RBM6: variants seen among roughly 807,000 people sequenced by gnomAD.
RBM6 encodes the protein RNA binding motif protein 6.
RBM6 carries 23 observed loss-of-function variants against 140.4 expected under a neutral mutation model. The observed-to-expected ratio is 0.16, with a 90% CI of 0.12 to 0.23. RBM6 has a LOEUF of 0.23. Among genes scored for constraint, RBM6 ranks in the 10% least tolerant of loss-of-function variants. The pLI, the probability that RBM6 is intolerant of heterozygous loss-of-function variation, is 1.00. For synonymous variants in RBM6, 439 were observed against 475.6 expected (o/e 0.92, Z 1.00); for missense variants, 1,139 against 1,386.7 (o/e 0.82, Z 2.84).
At chr3:50,056,887 G>A (rs940828478) in intron 8 of RBM6, among the ~76,000 whole-genome samples, 1 of 152,198 alleles carries the variant, frequency 6.6e-6, no homozygotes, top group African/African-American at 2.4e-5. Context: ...ATATAAAGGA[G>A]CTACGTGCAG....
chr3:50,026,807 G>A (rs1476166034), intron 6 of RBM6, among the ~76,000 whole-genome samples: 1 of 150,768 alleles, frequency 6.6e-6, no homozygotes, highest in Admixed American at 6.6e-5. Context: ...CAGCTATTGG[G>A]GAAGCCGAGG....
chr3:50,077,167 C>G lies in RBM6; in HGVS notation c.*34C>G. The stretch of plus-strand genomic sequence containing the variant: ...ACAAGTTCCATGGGATACAACCTCC[C>G]TCTTGTTTTGTTTGTCTCTCCTTTT... On this transcript the variant is annotated 3_prime_UTR_variant, in exon 21 of 21. Transcript: ENST00000266022. The G allele has an allele frequency of 1.3e-6, 2 of 1,574,604 alleles. No homozygotes were observed. Among genetic ancestry groups the G allele is most frequent in the Non-Finnish European group, 1.7e-6 (2 of 1,162,968 alleles).
Position 50,015,578 on chromosome 3 carries a change from G to A in RBM6, c.1557+16065G>A, listed in dbSNP as rs544114176. 2.9e-3 allele frequency among the ~76,000 whole-genome samples: 441 copies of A among 149,838 alleles called. 3 individuals carry two copies. Among genetic ancestry groups the A allele is most frequent in the African/African-American group, 0.01 (421 of 40,698 alleles). On this transcript the variant is annotated intron_variant, in intron 6 of 20. Coordinates refer to ENST00000266022, the MANE Select transcript of RBM6 (RefSeq NM_005777.3). ...CCTGAGTAGCTGGGACTACAGGCGC[G>A]TGCCACCACGCCCGGCTAATTTTTT...
intron 18 of RBM6, among the ~76,000 whole-genome samples, chr3:50,070,200 G>T (rs2090255718): frequency 6.6e-6 from 1 of 151,990 alleles, no homozygotes; most frequent in African/African-American, 2.4e-5. Context: ...ACTAAAAATA[G>T]AAAAATTAGC....
chr3:50,036,626 A>G (rs1391491551), intron 6 of RBM6, among the ~76,000 whole-genome samples: 3 of 152,186 alleles, frequency 2.0e-5, no homozygotes, highest in South Asian at 4.1e-4. Context: ...TAACCATAGC[A>G]TGTCTTCAAT....
intron 2 of RBM6, among the ~76,000 whole-genome samples, chr3:49,963,742 T>C (rs537928920): frequency 6.6e-6 from 1 of 152,310 alleles, no homozygotes; most frequent in African/African-American, 2.4e-5. Flanking sequence ...TAACTAGTAT[T>C]TAAACATTTT....
intron 1 of RBM6, among the ~76,000 whole-genome samples, chr3:49,951,984 G>A (rs2083756562): frequency 1.3e-5 from 2 of 151,944 alleles, no homozygotes; most frequent in Admixed American, 1.3e-4. Flanking sequence ...GCCTCCCAAA[G>A]TGCTGGGATT....
intron 6 of RBM6, among the ~76,000 whole-genome samples, chr3:50,042,095 G>A (rs2088952324): frequency 6.6e-6 from 1 of 152,140 alleles, no homozygotes; most frequent in Non-Finnish European, 1.5e-5. Flanking sequence ...TTTGTAAACT[G>A]TAAATTGCTT....
At chr3:49,990,483 G>C (rs2085769117) in intron 5 of RBM6, among the ~76,000 whole-genome samples, 1 of 152,202 alleles carries the variant, frequency 6.6e-6, no homozygotes, top group Admixed American at 6.5e-5. Context: ...GCAGTTTGCT[G>C]TTGATCAAAA....
At position 50,047,353 on chromosome 3, in the gene RBM6, G is replaced by A. The variant is rs566624485; in HGVS notation, c.1558-892G>A. On this transcript the variant is annotated intron_variant, in intron 6 of 20. Transcript: ENST00000266022. ...TTAGTTCACTTTCAAGTGTGGGTGA[G>A]GGTCCCTTGTCAGTAGGCAGAGAAT... 2,062 of 985,080 alleles carry A rather than the reference G, an allele frequency of 2.1e-3. 3 individuals are homozygous for A. The highest frequency in any genetic ancestry group is 2.3e-3 in the Non-Finnish European group (1,938 of 829,656). The allele number at this position is 985,080 out of a possible 1,614,324, so 61.0% of individuals were successfully genotyped here. A position where few individuals can be genotyped will look rare whatever the true frequency, so the allele number is the denominator to read the frequency against.
At chr3:49,997,537 A>T (rs1305126893) in intron 5 of RBM6, among the ~76,000 whole-genome samples, 1 of 152,120 alleles carries the variant, frequency 6.6e-6, no homozygotes, top group Non-Finnish European at 1.5e-5. Flanking sequence ...TATGTTTTTC[A>T]TCCGGGCAGC....
intron 6 of RBM6, among the ~76,000 whole-genome samples, chr3:50,019,457 G>A (rs1466048485): frequency 6.6e-6 from 1 of 152,122 alleles, no homozygotes; most frequent in African/African-American, 2.4e-5. Context: ...CTAGTACAAT[G>A]CTGAAAGGAG....
At chr3:49,986,347 C>T (rs1281292831) in intron 5 of RBM6, among the ~76,000 whole-genome samples, 1 of 151,526 alleles carries the variant, frequency 6.6e-6, no homozygotes, top group Non-Finnish European at 1.5e-5. Flanking sequence ...GTGATCCCAG[C>T]ACTTTGGGAG....
intron 5 of RBM6, among the ~76,000 whole-genome samples, chr3:49,994,958 T>C (rs574305132): frequency 1.2e-4 from 19 of 152,262 alleles, no homozygotes; most frequent in African/African-American, 4.6e-4. Flanking sequence ...TTCCTTATAA[T>C]TATTATGAAA....
chr3:50,048,119 C>T (rs959179686), intron 6 of RBM6, 126 bp from the exon 7 acceptor site: 1 of 1,465,478 alleles, frequency 6.8e-7, no homozygotes, highest in Admixed American at 2.7e-5. Flanking sequence ...TTCCTTTCAC[C>T]AGTGAATTAA....
At chr3:50,066,593 C>A in intron 17 of RBM6, 91 bp downstream of exon 17, 1 of 1,472,800 alleles carries the variant, frequency 6.8e-7, no homozygotes. Flanking sequence ...TTTGGGAGGC[C>A]GAGGCGGGTG....
At chr3:50,015,698 C>G (rs1237590002) in intron 6 of RBM6, among the ~76,000 whole-genome samples, 1 of 152,144 alleles carries the variant, frequency 6.6e-6, no homozygotes, top group African/African-American at 2.4e-5. Flanking sequence ...TCCCAAAGTG[C>G]TGGGATTACA....
intron 7 of RBM6, among the ~76,000 whole-genome samples, chr3:50,050,912 A>G (rs2108887486): frequency 6.6e-6 from 1 of 152,178 alleles, no homozygotes; most frequent in South Asian, 2.1e-4. Flanking sequence ...ATTGATTTGC[A>G]TGTATTTTTG....
intron 6 of RBM6, among the ~76,000 whole-genome samples, chr3:50,028,316 G>A (rs1387883693): frequency 1.3e-5 from 2 of 152,114 alleles, no homozygotes; most frequent in African/African-American, 4.8e-5. Flanking sequence ...TAGGGTAGTG[G>A]TCATCTTTTT....
Sources: gnomAD v4.1 joint callset for allele counts (sites outside exome capture counted in the v4.1 genomes callset) on GRCh38, gnomAD v4.1.1 for gene constraint, MANE v1.5 for transcripts, NCBI Gene and HGNC (gene_info 2026-07-23, HGNC 2026-07-21) for gene names.